Variants in SLF1 observed in about 807,000 individuals in gnomAD.
SLF1 encodes the protein SMC5-SMC6 complex localization factor protein 1.
In SLF1, 105 loss-of-function variants were observed where a neutral mutation model predicts 123.0. The ratio of observed to expected loss-of-function variants is 0.85; its 90% CI spans 0.73 to 1.00. SLF1 has a LOEUF of 1.00. Ranked by LOEUF, SLF1 falls within the 50% of genes least tolerant of loss-of-function variation. The pLI is 0.00. For missense variants in SLF1, 1,239 were observed against 1,223.0 expected (o/e 1.01, Z -0.20); for synonymous variants, 434 against 406.6 (o/e 1.07, Z -0.81).
intron 14 of SLF1, among the ~76,000 whole-genome samples, chr5:94,673,937 G>A (rs1449521670): frequency 6.6e-6 from 1 of 151,906 alleles, no homozygotes; most frequent in Non-Finnish European, 1.5e-5. Flanking sequence ...AACCAGGTGA[G>A]TAGACACTGT....
chr5:94,649,633 T>C (rs1430378384), intron 6 of SLF1, 36 bp downstream of exon 6: 6 of 1,419,022 alleles, frequency 4.2e-6, no homozygotes, highest in Admixed American at 5.2e-5. Context: ...ACATTTCTGA[T>C]GTTTCTTATA....
At chr5:94,694,030 G>A (rs1439870947) in intron 20 of SLF1, among the ~76,000 whole-genome samples, 1 of 151,754 alleles carries the variant, frequency 6.6e-6, no homozygotes, top group Non-Finnish European at 1.5e-5. Flanking sequence ...TAGTGATTAT[G>A]TCTGCTAGTA....
chr5:94,651,824 A>C lies in SLF1; in HGVS notation c.861A>C (p.Gly287=), dbSNP rs1432143289. 1.4e-6 allele frequency: 2 copies of C among 1,461,342 alleles called. No homozygotes were observed. Among genetic ancestry groups the C allele is most frequent in the East Asian group, 5.1e-5 (2 of 38,940 alleles). The allele number at this position is 1,461,342 out of a possible 1,614,324, so 90.5% of individuals were successfully genotyped here. The stretch of plus-strand genomic sequence containing the variant: ...TTGTTAAAATGAGAAATACCTTTGG[A>C]AGCCATACATATGAAAATCAGGTAC... ...LKFVKMRNTF[G]SHTYENQKEI... is the part of the protein sequence containing the mutation. The change falls in exon 7 of 21, where the codon GGA becomes GGC. Residue 287 remains glycine, a synonymous_variant. Coordinates refer to ENST00000265140, the MANE Select transcript of SLF1 (RefSeq NM_032290.4).
intron 5 of SLF1, among the ~76,000 whole-genome samples, chr5:94,644,541 G>A (rs1042885796): frequency 1.3e-5 from 2 of 152,066 alleles, no homozygotes; most frequent in Non-Finnish European, 2.9e-5. Flanking sequence ...CCTTCTCCCA[G>A]TGTCTTAAAT....
At chr5:94,629,033 T>C in intron 2 of SLF1, 59 bp from the exon 3 acceptor site, 4 of 1,436,990 alleles carry the variant, frequency 2.8e-6, no homozygotes, top group Non-Finnish European at 3.8e-6. Flanking sequence ...ATAAAAAGGA[T>C]GTGTCATAAA....
chr5:94,653,258 C>A lies in SLF1; in HGVS notation c.883-14C>A. On this transcript the variant is annotated splice_polypyrimidine_tract_variant and intron_variant, in intron 7 of 20. Transcript: ENST00000265140. ...ATTGATGTTGAGATTTAATTGTGGT[C>A]TAAATACATGTAGAAGGAAATTAAG... 6.6e-7 allele frequency: 1 copy of A among 1,505,646 alleles called. No individual in the cohort carries two copies. The highest frequency in any genetic ancestry group is 1.3e-5 in the South Asian group (1 of 78,062). The allele number at this position is 1,505,646 out of a possible 1,614,324, so 93.3% of individuals were successfully genotyped here.
chr5:94,642,754 ATTTG>A (rs1746587290), intron 4 of SLF1, among the ~76,000 whole-genome samples: 1 of 151,978 alleles, frequency 6.6e-6, no homozygotes, highest in Admixed American at 6.5e-5. Context: ...GTATTTTTTC[ATTTG>A]TTTTTTTCTA....
rs754925313 is a variant in SLF1, at chr5:94,695,007, T to C, written c.2872T>C (p.Leu958=). 3 of 1,612,476 alleles carry C rather than the reference T, an allele frequency of 1.9e-6. No homozygotes were observed. Among genetic ancestry groups the C allele is most frequent in the Non-Finnish European group, 2.5e-6 (3 of 1,179,134 alleles). ...HYQQLEFGSF[L]LSRMLLNFCS... The stretch of plus-strand genomic sequence containing the variant: ...CCAGCAACTTGAATTTGGCTCCTTT[T>C]TACTTAGTAGGATGTTGCTAAATTT... Residue 958 remains leucine, a synonymous_variant, in exon 21 of 21, where the codon TTA becomes CTA. Coordinates refer to ENST00000265140, the MANE Select transcript of SLF1 (RefSeq NM_032290.4).
intron 4 of SLF1, among the ~76,000 whole-genome samples, chr5:94,641,152 T>C (rs986809404): frequency 3.6e-4 from 55 of 152,306 alleles, no homozygotes; most frequent in Admixed American, 1.5e-3. Flanking sequence ...GTTGTTGAGC[T>C]AGTGCTATGG....
At chr5:94,688,883 C>T (rs1028845006) in intron 17 of SLF1, among the ~76,000 whole-genome samples, 2 of 152,180 alleles carry the variant, frequency 1.3e-5, no homozygotes, top group Admixed American at 6.5e-5. Context: ...AACTGCTCAT[C>T]AAATTATTGA....
intron 1 of SLF1, among the ~76,000 whole-genome samples, chr5:94,627,494 G>A (rs1299354339): frequency 6.7e-6 from 1 of 148,848 alleles, no homozygotes; most frequent in Non-Finnish European, 1.5e-5. Context: ...ATGGATTAAG[G>A]TCCCTATGAA....
chr5:94,669,312 C>T (rs1035651257), intron 12 of SLF1, among the ~76,000 whole-genome samples: 1 of 151,962 alleles, frequency 6.6e-6, no homozygotes, highest in East Asian at 1.9e-4. Flanking sequence ...TAAGGACTCT[C>T]CTGAGAATGT....
intron 18 of SLF1, among the ~76,000 whole-genome samples, chr5:94,690,823 G>A (rs937443613): frequency 6.6e-6 from 1 of 151,750 alleles, no homozygotes; most frequent in African/African-American, 2.4e-5. Context: ...TAGCCAGAAG[G>A]CATTAATTGC....
At chr5:94,643,168 A>G (rs1585133260) in intron 4 of SLF1, 105 bp from the exon 5 acceptor site, 2 of 830,740 alleles carry the variant, frequency 2.4e-6, no homozygotes, top group Non-Finnish European at 1.8e-6. Flanking sequence ...ATTAGTCCCT[A>G]TTAGAAAAGT....
intron 9 of SLF1, among the ~76,000 whole-genome samples, chr5:94,655,471 TC>T (rs1748265397): frequency 2.0e-5 from 3 of 152,192 alleles, no homozygotes; most frequent in Admixed American, 1.3e-4. Flanking sequence ...GGATTGTTTT[TC>T]CTGTTTCACA....
In SLF1 at chr5:94,622,893, A is replaced by C. The variant is rs1308029202; in HGVS notation, c.-1+4128A>C. 3.9e-5 allele frequency among the ~76,000 whole-genome samples: 6 copies of C among 152,098 alleles called. No individual in the cohort carries two copies. In the South Asian group the frequency reaches 1.2e-3, roughly 32 times the overall value. On this transcript the variant is annotated intron_variant, in intron 1 of 20. Transcript: ENST00000265140. ...AAAAGTTTATCCTTATTTTCCTTAC[A>C]AAACCCCATTTATGCATCCCTGTCT... is the stretch of plus-strand genomic sequence containing the variant.
At chr5:94,652,943 C>T (rs116839647) in intron 7 of SLF1, among the ~76,000 whole-genome samples, 1,921 of 152,248 alleles carry the variant, frequency 0.013, 21 homozygotes, top group Middle Eastern at 0.027. Flanking sequence ...CCACAACCTC[C>T]GCCTTCCAGG....
At chr5:94,657,034 AT>A (rs1202606763) in intron 9 of SLF1, among the ~76,000 whole-genome samples, 1 of 148,830 alleles carries the variant, frequency 6.7e-6, no homozygotes, top group East Asian at 1.9e-4. Context: ...ATATTTATTA[AT>A]TTATAATTAA....
chr5:94,676,425 G>A (rs988486661), intron 14 of SLF1, among the ~76,000 whole-genome samples: 38 of 152,134 alleles, frequency 2.5e-4, no homozygotes, highest in Admixed American at 1.5e-3. Flanking sequence ...CAGACCTGCT[G>A]CTGGTTTCCC....
Sources: gnomAD v4.1 joint callset for allele counts (sites outside exome capture counted in the v4.1 genomes callset) on GRCh38, gnomAD v4.1.1 for gene constraint, MANE v1.5 for transcripts, NCBI Gene and HGNC (gene_info 2026-07-23, HGNC 2026-07-21) for gene names.